TENM3: variants seen among roughly 807,000 people sequenced by gnomAD.
TENM3 encodes teneurin transmembrane protein 3.
In TENM3, 63 loss-of-function variants were observed where a neutral mutation model predicts 255.1. The observed-to-expected ratio is 0.25, with a 90% CI of 0.20 to 0.30. TENM3 has a LOEUF of 0.30. TENM3 is among the 10% of genes least tolerant of loss of function. The pLI is 1.00. For synonymous variants in TENM3, 1,306 were observed against 1,322.3 expected (o/e 0.99, Z 0.27); for missense variants, 2,929 against 3,461.1 (o/e 0.85, Z 3.86).
intron 2 of TENM3, among the ~76,000 whole-genome samples, chr4:182,334,957 C>T (rs1210715247): frequency 1.3e-5 from 2 of 152,136 alleles, no homozygotes; most frequent in African/African-American, 2.4e-5. Context: ...GATAGACTAT[C>T]TAGCCAGGGC....
At chr4:182,676,206 C>T (rs1483370481) in intron 7 of TENM3, among the ~76,000 whole-genome samples, 2 of 152,200 alleles carry the variant, frequency 1.3e-5, no homozygotes, top group African/African-American at 2.4e-5. Flanking sequence ...TAAAACTGCC[C>T]GTTTGATTGT....
At chr4:181,899,445 C>CA in the TENM3 span, among the ~76,000 whole-genome samples, 21 of 152,162 alleles carry the variant, frequency 1.4e-4, no homozygotes, top group Non-Finnish European at 2.8e-4. Context: ...ACGGTATTTA[C>CA]AAAAAAGTGA....
At chr4:182,769,132 A>T (rs1561225436) in intron 22 of TENM3, among the ~76,000 whole-genome samples, 1 of 152,224 alleles carries the variant, frequency 6.6e-6, no homozygotes, top group Non-Finnish European at 1.5e-5. Context: ...GAGAATCTGA[A>T]TCCGCCCAGA....
chr4:182,008,683 C>A, the TENM3 span, among the ~76,000 whole-genome samples: 1 of 152,080 alleles, frequency 6.6e-6, no homozygotes, highest in Admixed American at 6.5e-5. Context: ...TCCTTTAACT[C>A]ATCATAGTTT....
intron 3 of TENM3, among the ~76,000 whole-genome samples, chr4:182,532,544 A>G (rs976009520): frequency 2.6e-5 from 4 of 152,216 alleles, no homozygotes; most frequent in Non-Finnish European, 4.4e-5. Flanking sequence ...GAGGCATTTT[A>G]ATAAAAAATT....
chr4:181,808,808 G>T, the TENM3 span, among the ~76,000 whole-genome samples: 1 of 152,096 alleles, frequency 6.6e-6, no homozygotes. Context: ...CACATACTGG[G>T]TACACACAAG....
chr4:182,357,901 G>T (rs1395435023), intron 3 of TENM3, among the ~76,000 whole-genome samples: 1 of 151,698 alleles, frequency 6.6e-6, no homozygotes, highest in Admixed American at 6.6e-5. Flanking sequence ...TGTATAAGGT[G>T]TAAGGAAGGG....
At chr4:182,277,045 C>G (rs192460240) in intron 1 of TENM3, among the ~76,000 whole-genome samples, 5 of 152,202 alleles carry the variant, frequency 3.3e-5, no homozygotes, top group African/African-American at 1.2e-4. Context: ...TTGATGTCTA[C>G]GTCTGAACAA....
chr4:182,557,873 A>G (rs868804643), intron 3 of TENM3, among the ~76,000 whole-genome samples: 3 of 152,216 alleles, frequency 2.0e-5, no homozygotes, highest in Non-Finnish European at 4.4e-5. Context: ...ACATGTTTAC[A>G]GTGATTTCCT....
At chr4:182,485,436 A>G (rs1160527051) in intron 3 of TENM3, among the ~76,000 whole-genome samples, 4 of 152,166 alleles carry the variant, frequency 2.6e-5, no homozygotes, top group Non-Finnish European at 5.9e-5. Flanking sequence ...GTAACATGCA[A>G]TTATACCCAA....
chr4:182,644,215 C>T (rs1448340656), intron 5 of TENM3, among the ~76,000 whole-genome samples: 1 of 152,132 alleles, frequency 6.6e-6, no homozygotes, highest in Non-Finnish European at 1.5e-5. Context: ...CTGTCATCAC[C>T]CTTCCTTCCC....
chr4:181,968,320 C>G, the TENM3 span, among the ~76,000 whole-genome samples: 2 of 152,182 alleles, frequency 1.3e-5, no homozygotes, highest in East Asian at 3.9e-4. Context: ...CCAGCCATAC[C>G]TGGAGGAAAC....
chr4:181,862,849 G>A, the TENM3 span, among the ~76,000 whole-genome samples: 1 of 152,206 alleles, frequency 6.6e-6, no homozygotes, highest in East Asian at 1.9e-4. Context: ...GGTAACTCTA[G>A]TGGATTTAGT....
the TENM3 span, among the ~76,000 whole-genome samples, chr4:181,666,176 G>A: frequency 6.6e-6 from 1 of 152,072 alleles, no homozygotes; most frequent in Admixed American, 6.5e-5. Context: ...TAACCATGAG[G>A]AAAAGTCTGG....
intron 3 of TENM3, among the ~76,000 whole-genome samples, chr4:182,463,146 A>G (rs1381429007): frequency 6.6e-6 from 1 of 152,144 alleles, no homozygotes; most frequent in African/African-American, 2.4e-5. Context: ...TCAAGGGTCA[A>G]CCGTAGTTGA....
chr4:181,681,185 C>A, the TENM3 span, among the ~76,000 whole-genome samples: 1 of 151,980 alleles, frequency 6.6e-6, no homozygotes, highest in Non-Finnish European at 1.5e-5. Context: ...AGTAAAGGAG[C>A]AAGTGCATTT....
intron 3 of TENM3, among the ~76,000 whole-genome samples, chr4:182,368,464 TC>T (rs1766575362): frequency 6.6e-6 from 1 of 152,178 alleles, no homozygotes; most frequent in African/African-American, 2.4e-5. Context: ...CTTTGCATCT[TC>T]AGGGTTCCCA....
At chr4:182,377,650 T>A (rs1198632178) in intron 3 of TENM3, among the ~76,000 whole-genome samples, 5 of 152,182 alleles carry the variant, frequency 3.3e-5, no homozygotes. Context: ...TGTCATTGCT[T>A]GTTTCTGATA....
chr4:181,850,178 A>C, the TENM3 span, among the ~76,000 whole-genome samples: 3 of 150,186 alleles, frequency 2.0e-5, no homozygotes, highest in Non-Finnish European at 4.4e-5. Context: ...TTTTATTTTT[A>C]CTTATTTCTA....
Sources: gnomAD v4.1 joint callset for allele counts (sites outside exome capture counted in the v4.1 genomes callset) on GRCh38, gnomAD v4.1.1 for gene constraint, MANE v1.5 for transcripts, NCBI Gene and HGNC (gene_info 2026-07-23, HGNC 2026-07-21) for gene names.